MACROD2: variants seen among roughly 807,000 people sequenced by gnomAD.
MACROD2 encodes ADP-ribose glycohydrolase MACROD2.
Under a neutral mutation model 70.4 loss-of-function variants are expected in MACROD2, and 36 were observed. That is an observed-to-expected ratio of 0.51 (90% CI 0.39 to 0.68). The LOEUF (loss-of-function observed/expected upper bound fraction) is 0.68, where lower values mean the gene tolerates loss of function less well. Ranked by LOEUF, MACROD2 falls within the 30% of genes least tolerant of loss-of-function variation. The pLI, the probability that MACROD2 is intolerant of heterozygous loss-of-function variation, is 0.00. For synonymous variants in MACROD2, 172 were observed against 178.8 expected (o/e 0.96, Z 0.30); for missense variants, 496 against 538.4 (o/e 0.92, Z 0.78).
At chr20:14,799,469 T>C (rs931303503) in intron 5 of MACROD2, among the ~76,000 whole-genome samples, 14 of 152,138 alleles carry the variant, frequency 9.2e-5, no homozygotes, top group African/African-American at 3.4e-4. Flanking sequence ...TATACTCACT[T>C]TAATCTTAGC....
At chr20:15,147,808 C>A (rs448771) in intron 5 of MACROD2, among the ~76,000 whole-genome samples, 89,368 of 151,552 alleles carry the variant, frequency 0.59, 26,472 homozygotes, top group East Asian at 0.65. Flanking sequence ...GTGAAGGGAG[C>A]TAGGGGTGGG....
At chr20:15,308,081 T>C (rs1250934337) in intron 6 of MACROD2, among the ~76,000 whole-genome samples, 2 of 152,158 alleles carry the variant, frequency 1.3e-5, no homozygotes, top group Non-Finnish European at 2.9e-5. Context: ...TTACAGGTAA[T>C]GGTAAGTTTC....
In MACROD2 at chr20:13,995,758, G is replaced by A. The variant is rs200598669; in HGVS notation, c.-6G>A. 5.9e-4 allele frequency: 816 copies of A among 1,376,724 alleles called. 1 individual carries two copies. In the African/African-American group the frequency reaches 0.01, roughly 18 times the overall value. 85.3% of individuals were successfully genotyped at this position (1,376,724 alleles called of 1,614,324 possible). A position where few individuals can be genotyped will look rare whatever the true frequency, so the allele number is the denominator to read the frequency against. On this transcript the variant is annotated 5_prime_UTR_variant, in exon 1 of 18. Transcript: ENST00000684519. This position sits in a 1 kb window ranked among gnomAD's most constrained non-coding sequence, Gnocchi z 4.3. Reference sequence around the variant, plus strand: ...GCAGCTTAAAGCCAGCCACCCCCACGGCAACATGTACCCCAGCAACAAGAA... The same window carrying A: ...GCAGCTTAAAGCCAGCCACCCCCACAGCAACATGTACCCCAGCAACAAGAA...
intron 6 of MACROD2, among the ~76,000 whole-genome samples, chr20:15,308,561 G>A (rs908048310): frequency 2.6e-5 from 4 of 152,088 alleles, no homozygotes; most frequent in Admixed American, 2.6e-4. Context: ...CAAACTTCCA[G>A]TGTTAAAGAT....
At chr20:15,249,058 G>T (rs1304102173) in intron 6 of MACROD2, among the ~76,000 whole-genome samples, 2 of 152,200 alleles carry the variant, frequency 1.3e-5, no homozygotes, top group African/African-American at 2.4e-5. Flanking sequence ...TTTAGCTGGG[G>T]AGCTTCTGAG....
intron 3 of MACROD2, among the ~76,000 whole-genome samples, chr20:14,156,853 G>A (rs2055110872): frequency 6.6e-6 from 1 of 152,172 alleles, no homozygotes; most frequent in Non-Finnish European, 1.5e-5. Flanking sequence ...CTTTGCAATA[G>A]TCAATGTAAT....
At chr20:16,008,320 CA>C (rs2066817411) in intron 15 of MACROD2, among the ~76,000 whole-genome samples, 1 of 152,220 alleles carries the variant, frequency 6.6e-6, no homozygotes, top group Admixed American at 6.5e-5. Flanking sequence ...TACTTCTAAG[CA>C]AGTCAGATTT....
rs564731882 is a variant in MACROD2 at position 14,390,359 on chromosome 20, C to T, written c.272-103120C>T. Among the ~76,000 whole-genome samples, 9 of 152,272 alleles carry T rather than the reference C, an allele frequency of 5.9e-5. No homozygotes were observed. In the East Asian group the frequency reaches 7.7e-4, roughly 13 times the overall value. On this transcript the variant is annotated intron_variant, in intron 3 of 17. Transcript: ENST00000684519. Reference sequence around the variant, plus strand: ...ATTCAGTGCCATTTCTATTAAACTACCATTGACATTCTTCACAGAACTAGA... The same window carrying T: ...ATTCAGTGCCATTTCTATTAAACTATCATTGACATTCTTCACAGAACTAGA...
chr20:15,329,426 G>T (rs8184322), intron 6 of MACROD2, among the ~76,000 whole-genome samples: 20 of 151,886 alleles, frequency 1.3e-4, no homozygotes, highest in African/African-American at 4.6e-4. Context: ...CAGCTTTAAA[G>T]AAATGATCAT....
At chr20:15,833,263 G>A (rs951848281) in intron 8 of MACROD2, among the ~76,000 whole-genome samples, 8 of 152,142 alleles carry the variant, frequency 5.3e-5, no homozygotes, top group African/African-American at 1.4e-4. Context: ...ATTCACACAC[G>A]CACACTAATT....
At chr20:15,150,651 G>A (rs962735875) in intron 5 of MACROD2, among the ~76,000 whole-genome samples, 7 of 151,900 alleles carry the variant, frequency 4.6e-5, no homozygotes, top group African/African-American at 1.7e-4. Context: ...GGAGGGAGTA[G>A]AGGTATCCTA....
chr20:14,119,539 C>T (rs1258009543), intron 3 of MACROD2, among the ~76,000 whole-genome samples: 1 of 152,042 alleles, frequency 6.6e-6, no homozygotes, highest in Non-Finnish European at 1.5e-5. Flanking sequence ...CTGTAACATT[C>T]CTGGATTGAC....
intron 3 of MACROD2, among the ~76,000 whole-genome samples, chr20:14,175,160 G>T (rs982637658): frequency 5.3e-5 from 8 of 152,176 alleles, no homozygotes; most frequent in Non-Finnish European, 1.0e-4. Flanking sequence ...TCCACATGCT[G>T]CTCTGTCCAT....
chr20:15,585,193 C>CT (rs1188436660), intron 8 of MACROD2, among the ~76,000 whole-genome samples: 13 of 137,906 alleles, frequency 9.4e-5, no homozygotes, highest in African/African-American at 1.0e-4. Context: ...TTTTCTTCTT[C>CT]TTTTTTTTCT....
intron 8 of MACROD2, among the ~76,000 whole-genome samples, chr20:15,642,364 C>T (rs976370770): frequency 6.6e-6 from 1 of 152,142 alleles, no homozygotes; most frequent in African/African-American, 2.4e-5. Context: ...TCGATCCCAG[C>T]AACCATTTCC....
chr20:15,496,611 T>G (rs1019761056), intron 7 of MACROD2, among the ~76,000 whole-genome samples: 1 of 152,258 alleles, frequency 6.6e-6, no homozygotes, highest in Non-Finnish European at 1.5e-5. Flanking sequence ...CAGTATTTAT[T>G]CGTTTTTTAT....
intron 6 of MACROD2, among the ~76,000 whole-genome samples, chr20:15,241,607 T>C (rs1448340989): frequency 2.0e-5 from 3 of 152,100 alleles, no homozygotes; most frequent in African/African-American, 7.2e-5. Flanking sequence ...TCATGTTTTA[T>C]TGGGCAGTAT....
At chr20:14,676,765 A>G (rs1049379637) in intron 4 of MACROD2, among the ~76,000 whole-genome samples, 1 of 152,186 alleles carries the variant, frequency 6.6e-6, no homozygotes, top group Non-Finnish European at 1.5e-5. Flanking sequence ...TCAAAAAATC[A>G]ATGAATTCAG....
intron 5 of MACROD2, among the ~76,000 whole-genome samples, chr20:14,701,400 A>T (rs1322211176): frequency 1.3e-5 from 2 of 152,146 alleles, no homozygotes; most frequent in Non-Finnish European, 2.9e-5. Flanking sequence ...TTATACTTCT[A>T]AAAAAGGATG....
Sources: gnomAD v4.1 joint callset for allele counts (sites outside exome capture counted in the v4.1 genomes callset) on GRCh38, gnomAD v4.1.1 for gene constraint, Gnocchi (gnomAD v3.1) non-coding constraint, MANE v1.5 for transcripts, NCBI Gene and HGNC (gene_info 2026-07-23, HGNC 2026-07-21) for gene names.